LRRD1: variants seen among roughly 807,000 people sequenced by gnomAD.
LRRD1 encodes leucine rich repeats and death domain containing 1, also known as leucine-rich repeat and death domain-containing protein 1.
Under a neutral mutation model 69.5 loss-of-function variants are expected in LRRD1, and 49 were observed. That is an observed-to-expected ratio of 0.70 (90% CI 0.56 to 0.89). The LOEUF (loss-of-function observed/expected upper bound fraction) is 0.89. LRRD1 is among the 40% of genes least tolerant of loss of function. The probability of loss-of-function intolerance (pLI) is 0.00; values close to 1 mark genes in which losing one functional copy is unlikely to be tolerated. For missense variants in LRRD1, 853 were observed against 956.0 expected (o/e 0.89, Z 1.42); for synonymous variants, 303 against 338.9 (o/e 0.89, Z 1.16).
At chr7:92,146,899 G>A (rs1820340550) in intron 4 of LRRD1, among the ~76,000 whole-genome samples, 1 of 150,202 alleles carries the variant, frequency 6.7e-6, no homozygotes, top group Non-Finnish European at 1.5e-5. Flanking sequence ...TCCAGCCTGG[G>A]CAACAAGAGT....
intron 4 of LRRD1, among the ~76,000 whole-genome samples, chr7:92,146,881 C>A (rs1400406668): frequency 2.0e-5 from 3 of 149,644 alleles, no homozygotes; most frequent in Non-Finnish European, 4.4e-5. Context: ...AAGATTGCAC[C>A]ATTGTACTCC....
intron 1 of LRRD1, among the ~76,000 whole-genome samples, chr7:92,174,601 G>A (rs1341128512): frequency 1.3e-4 from 17 of 133,944 alleles, no homozygotes; most frequent in African/African-American, 3.7e-4. Flanking sequence ...TCTGCCTCCC[G>A]GGTTCAAAGT....
At chr7:92,152,702 G>A (rs1584652526) in intron 3 of LRRD1, among the ~76,000 whole-genome samples, 3 of 146,002 alleles carry the variant, frequency 2.1e-5, no homozygotes, top group South Asian at 2.2e-4. Flanking sequence ...ATGGAGTCTC[G>A]CTCTGTTGCC....
At chr7:92,142,873 AAG>A (rs1047884399), downstream of LRRD1, 7 of 364,296 alleles carry the variant, frequency 1.9e-5, no homozygotes, top group African/African-American at 1.3e-4. Flanking sequence ...TGTGGACCCA[AAG>A]AGAGAGCAGC....
At chr7:92,157,742 ATT>A (rs767940401) in intron 3 of LRRD1, among the ~76,000 whole-genome samples, 1 of 143,912 alleles carries the variant, frequency 6.9e-6, no homozygotes, top group African/African-American at 2.5e-5. Flanking sequence ...CACCTGACTA[ATT>A]TTTTTTTTTT....
At chr7:92,147,977 C>T (rs1374236214) in intron 4 of LRRD1, among the ~76,000 whole-genome samples, 1 of 152,118 alleles carries the variant, frequency 6.6e-6, no homozygotes, top group East Asian at 1.9e-4. Flanking sequence ...AGTACAGTGG[C>T]GGGATCTCAT....
At chr7:92,172,045 G>T (rs1022905725) in intron 1 of LRRD1, among the ~76,000 whole-genome samples, 2 of 152,212 alleles carry the variant, frequency 1.3e-5, no homozygotes, top group African/African-American at 4.8e-5. Context: ...AATCACCTGA[G>T]CCTGGGAGGT....
At chr7:92,156,540 G>GTTT (rs1788661702) in intron 3 of LRRD1, among the ~76,000 whole-genome samples, 2 of 151,998 alleles carry the variant, frequency 1.3e-5, no homozygotes, top group Non-Finnish European at 2.9e-5. Context: ...TTTATTTATG[G>GTTT]TTTTGGTACC....
At chr7:92,146,059 C>A in intron 5 of LRRD1, 24 bp downstream of exon 5, 1 of 1,231,618 alleles carries the variant, frequency 8.1e-7, no homozygotes, top group Non-Finnish European at 1.1e-6. Flanking sequence ...TAAATTTGTA[C>A]TAAATGCTGT....
chr7:92,145,300 G>A (rs1263641414), intron 5 of LRRD1, among the ~76,000 whole-genome samples: 1 of 152,050 alleles, frequency 6.6e-6, no homozygotes, highest in East Asian at 1.9e-4. Context: ...GACATAGAAA[G>A]TGAATGTTAG....
At chr7:92,167,876 C>CAAAAAAAAAAAAAAAAAAAAAA (rs542619786) in intron 1 of LRRD1, among the ~76,000 whole-genome samples, 4 of 46,196 alleles carry the variant, frequency 8.7e-5, no homozygotes, top group African/African-American at 3.8e-4. Flanking sequence ...GACTCTGTCT[C>CAAAAAAAAAAAAAAAAAAAAAA]AAAAAAAAAA....
rs1788745394 is a variant in LRRD1 at position 92,159,193 on chromosome 7, A to G, written c.1928T>C (p.Leu643Pro). ...SQIKGRKLTR[L>P]PGELSNMTQL... ...AGTCATATTAGATAGCTCTCCTGGA[A>G]GTCTTGTTAGCTGTAACAAAGATTA... Residue 643 changes from leucine to proline, a missense_variant, in exon 3 of 6, where the codon CTT (leucine) becomes CCT (proline). By Grantham distance (98) the Leu-to-Pro change is moderately conservative. Transcript: ENST00000458448. 2 of 1,500,122 alleles carry G rather than the reference A, an allele frequency of 1.3e-6. No individual in the cohort carries two copies. Among genetic ancestry groups the G allele is most frequent in the Non-Finnish European group, 1.8e-6 (2 of 1,126,948 alleles). The allele number at this position is 1,500,122 out of a possible 1,614,324, so 92.9% of individuals were successfully genotyped here.
Position 92,164,159 on chromosome 7 carries a change from T to TA in LRRD1, c.1043dup (p.Leu348PhefsTer13). Reference sequence around the variant, plus strand: ...CCAGTTGGAGTTCTTTTATTTTGAGTAACTGAAAAATTTCTACAGCCAGAA... The same window carrying TA: ...CCAGTTGGAGTTCTTTTATTTTGAGTAAACTGAAAAATTTCTACAGCCAGAA... On this transcript the variant is annotated frameshift_variant, in exon 2 of 6. Transcript: ENST00000458448. LOFTEE classifies it high-confidence loss of function. 1 of 1,547,922 alleles carries TA rather than the reference T, an allele frequency of 6.5e-7. No individual in the cohort carries two copies. The highest frequency in any genetic ancestry group is 1.2e-5 in the South Asian group (1 of 83,362).
intron 1 of LRRD1, among the ~76,000 whole-genome samples, chr7:92,176,902 A>T (rs374541495): frequency 1.3e-5 from 2 of 151,020 alleles, no homozygotes. Flanking sequence ...TTCTTGGATA[A>T]GTCAAACTTG....
downstream of LRRD1, among the ~76,000 whole-genome samples, chr7:92,143,281 C>G (rs1387187406): frequency 6.6e-6 from 1 of 152,214 alleles, no homozygotes; most frequent in Non-Finnish European, 1.5e-5. Flanking sequence ...CCCCACCAGA[C>G]TCAGGAGCCC....
intron 1 of LRRD1, among the ~76,000 whole-genome samples, chr7:92,176,944 G>GTATA (rs57132257): frequency 1.1e-4 from 16 of 142,550 alleles, no homozygotes; most frequent in African/African-American, 3.1e-4. Context: ...GTTTGTGTGT[G>GTATA]TATATATATA....
At chr7:92,174,509 A>ATTTTTT (rs35052440) in intron 1 of LRRD1, among the ~76,000 whole-genome samples, 8 of 12,870 alleles carry the variant, frequency 6.2e-4, no homozygotes, top group South Asian at 3.6e-3. Context: ...ATATATATAT[A>ATTTTTT]TTTTTTTTTT....
At position 92,159,127 on chromosome 7, in the gene LRRD1, T is replaced by A; in HGVS notation, c.1994A>T (p.Glu665Val). Residue 665 changes from glutamate (E) to valine (V), a missense_variant, in exon 3 of 6, where the codon GAG becomes GTG. Coordinates refer to ENST00000458448, the MANE Select transcript of LRRD1 (RefSeq NM_001161528.2). ...ELDISNNAIR[E>V]IPRNIGELRN... ...CAATTCTCCTATATTTCTTGGAATC[T>A]CTCTGATTGCATTATTTGAGATATC... 6.5e-7 allele frequency: 1 copy of A among 1,547,512 alleles called. No homozygotes were observed.
downstream of LRRD1, among the ~76,000 whole-genome samples, chr7:92,144,504 G>C (rs886698136): frequency 2.6e-5 from 4 of 151,638 alleles, no homozygotes; most frequent in African/African-American, 2.4e-5. Flanking sequence ...GTGGGCGCCT[G>C]TAGTCCCAGC....
Sources: gnomAD v4.1 joint callset for allele counts (sites outside exome capture counted in the v4.1 genomes callset) on GRCh38, gnomAD v4.1.1 for gene constraint, MANE v1.5 for transcripts, NCBI Gene and HGNC (gene_info 2026-07-23, HGNC 2026-07-21) for gene names.